The following RASSF5 variants were observed in gnomAD, a reference collection of about 807,000 sequenced individuals.
RASSF5 encodes ras association domain-containing protein 5.
A neutral mutation model predicts 40.5 loss-of-function variants in RASSF5; 25 were observed. That is an observed-to-expected ratio of 0.62 (90% CI 0.45 to 0.86). The LOEUF (loss-of-function observed/expected upper bound fraction) is 0.86. Ranked by LOEUF, RASSF5 falls within the 40% of genes least tolerant of loss-of-function variation. RASSF5 has a pLI of 0.00. For synonymous variants in RASSF5, 246 were observed against 252.4 expected, an observed-to-expected ratio of 0.97 and a Z score of 0.24; for missense variants, 521 against 572.8, an observed-to-expected ratio of 0.91 and a Z score of 0.92.
chr1:206,553,533 CT>C (rs1558510321), intron 2 of RASSF5, among the ~76,000 whole-genome samples: 1 of 152,190 alleles, frequency 6.6e-6, no homozygotes, highest in Non-Finnish European at 1.5e-5. Context: ...CAAACTCAAT[CT>C]TGACCCTGTT....
intron 2 of RASSF5, among the ~76,000 whole-genome samples, chr1:206,546,049 A>G (rs1268312204): frequency 9.1e-6 from 1 of 109,800 alleles, no homozygotes; most frequent in Non-Finnish European, 1.9e-5. Flanking sequence ...TTTTAAGTCT[A>G]TCTTCTTACT....
rs554681736 is a variant in RASSF5 at position 206,513,983 on chromosome 1, C to T, written c.457+5924C>T. On this transcript the variant is annotated intron_variant, in intron 1 of 5. Coordinates refer to ENST00000579436, the MANE Select transcript of RASSF5 (RefSeq NM_182663.4). The surrounding 1 kb of genome is among the most constrained non-coding windows in gnomAD (Gnocchi z 5.0). ...TTTTTCTGAAGCACTCATAACTATG[C>T]TGAGGAGACTTGGGCAGAGCCTGGT... Among the ~76,000 whole-genome samples, 3 of 152,332 alleles carry T rather than the reference C, an allele frequency of 2.0e-5. No individual in the cohort carries two copies. The highest frequency in any genetic ancestry group is 1.9e-4 in the East Asian group (1 of 5,188).
chr1:206,523,935 A>T (rs1667010875), intron 1 of RASSF5, among the ~76,000 whole-genome samples: 2 of 115,154 alleles, frequency 1.7e-5, no homozygotes, highest in Non-Finnish European at 3.2e-5. Flanking sequence ...ACCATATATA[A>T]TATATTTTAT....
chr1:206,516,757 G>A (rs1055433952), intron 1 of RASSF5, among the ~76,000 whole-genome samples: 4 of 152,158 alleles, frequency 2.6e-5, no homozygotes, highest in South Asian at 2.1e-4. Flanking sequence ...ACGCCTGGCC[G>A]TGACTCATAT....
intron 5 of RASSF5, 66 bp downstream of exon 5, chr1:206,585,361 G>T (rs552187846): frequency 1.7e-6 from 2 of 1,158,204 alleles, no homozygotes; most frequent in East Asian, 4.7e-5. Context: ...GGTGGGTGTT[G>T]TCCTAACTAC....
intron 1 of RASSF5, among the ~76,000 whole-genome samples, chr1:206,520,478 G>A (rs1278979074): frequency 6.6e-6 from 1 of 152,128 alleles, no homozygotes; most frequent in East Asian, 1.9e-4. Flanking sequence ...AAGGAGATGG[G>A]CACCTGTAAT....
At chr1:206,534,943 G>C (rs1413682927) in intron 1 of RASSF5, among the ~76,000 whole-genome samples, 2 of 152,136 alleles carry the variant, frequency 1.3e-5, no homozygotes, top group African/African-American at 4.8e-5. Context: ...TCCAAACTGA[G>C]CACCTGGCCG....
At chr1:206,533,337 T>C (rs1667291627) in intron 1 of RASSF5, among the ~76,000 whole-genome samples, 1 of 152,200 alleles carries the variant, frequency 6.6e-6, no homozygotes. Context: ...CTGTGATCTC[T>C]GGAGGAGGTT....
At chr1:206,573,323 T>C (rs1668518078) in intron 2 of RASSF5, among the ~76,000 whole-genome samples, 1 of 152,188 alleles carries the variant, frequency 6.6e-6, no homozygotes, top group African/African-American at 2.4e-5. Context: ...AACTGAGGCA[T>C]ATAGATTTTC....
intron 1 of RASSF5, among the ~76,000 whole-genome samples, 162 bp from the exon 2 acceptor site, chr1:206,538,010 G>A (rs922700132): frequency 5.3e-5 from 8 of 152,198 alleles, no homozygotes; most frequent in Admixed American, 1.3e-4. Context: ...TGGGGGATCC[G>A]AGAGCAGGGT....
chr1:206,543,450 C>G (rs6685780), intron 2 of RASSF5: 90,034 of 151,970 alleles, frequency 0.59, 27,348 homozygotes, highest in East Asian at 0.73. Flanking sequence ...TTCCAAAGGA[C>G]ACTTGGATCT....
At chr1:206,533,713 C>T (rs1282106605) in intron 1 of RASSF5, among the ~76,000 whole-genome samples, 1 of 151,926 alleles carries the variant, frequency 6.6e-6, no homozygotes, top group African/African-American at 2.4e-5. Flanking sequence ...TATGGTCATG[C>T]CACTGTACTC....
chr1:206,567,484 G>A (rs1553403575), intron 2 of RASSF5, among the ~76,000 whole-genome samples: 1 of 152,168 alleles, frequency 6.6e-6, no homozygotes, highest in African/African-American at 2.4e-5. Context: ...GGATGGAGCG[G>A]GGAGGAGCAG....
intron 2 of RASSF5, among the ~76,000 whole-genome samples, chr1:206,539,134 C>T (rs1361277710): frequency 6.6e-6 from 1 of 152,126 alleles, no homozygotes; most frequent in African/African-American, 2.4e-5. Flanking sequence ...TTGAAGGTTG[C>T]GAGTCAGGGA....
chr1:206,583,235 T>G, intron 2 of RASSF5, 34 bp from the exon 3 acceptor site: 1 of 1,408,172 alleles, frequency 7.1e-7, no homozygotes, highest in Non-Finnish European at 1.0e-6. Flanking sequence ...TGAGAACTAC[T>G]ACACATCCAC....
intron 1 of RASSF5, among the ~76,000 whole-genome samples, chr1:206,524,187 A>T (rs1667022762): frequency 7.3e-6 from 1 of 136,500 alleles, no homozygotes; most frequent in African/African-American, 2.7e-5. Context: ...TTTATATATA[A>T]TATAGATACC....
chr1:206,554,008 A>G (rs1667917334), intron 2 of RASSF5, among the ~76,000 whole-genome samples: 1 of 152,242 alleles, frequency 6.6e-6, no homozygotes, highest in African/African-American at 2.4e-5. Flanking sequence ...TAATAACTGT[A>G]GCTTCCTCAT....
Position 206,557,277 on chromosome 1 carries a change from A to G in RASSF5, c.579+18984A>G, listed in dbSNP as rs868957462. 123 of 1,171,766 alleles carry G rather than the reference A, an allele frequency of 1.0e-4. No homozygotes were observed. The African/African-American group carries it at 1.8e-3, about 17-fold the overall frequency. The allele number at this position is 1,171,766 out of a possible 1,614,324, so 72.6% of individuals were successfully genotyped here. Reference sequence around the variant, plus strand: ...TGGCGCCGGGGACACGAAACCGCAGAGCCCGGACGAGTCAGGGAGTGAGGC... The same window carrying G: ...TGGCGCCGGGGACACGAAACCGCAGGGCCCGGACGAGTCAGGGAGTGAGGC... On this transcript the variant is annotated intron_variant, in intron 2 of 5. Coordinates refer to ENST00000579436, the MANE Select transcript of RASSF5 (RefSeq NM_182663.4).
At position 206,584,780 on chromosome 1, in the gene RASSF5, G is replaced by A. The variant is rs1553407250; in HGVS notation, c.988+96G>A. Reference sequence around the variant, plus strand: ...CTGCCGGCCTTGGGTGGGAGCTGTGGGCTTCTCCTGAGCACCAGGGGTCCA... The same window carrying A: ...CTGCCGGCCTTGGGTGGGAGCTGTGAGCTTCTCCTGAGCACCAGGGGTCCA... On this transcript the variant is annotated intron_variant, in intron 4 of 5. Transcript: ENST00000579436. The surrounding 1 kb of genome is among the most constrained non-coding windows in gnomAD (Gnocchi z 4.9). The A allele has an allele frequency of 4.4e-6, 6 of 1,350,836 alleles. No individual in the cohort carries two copies. The highest frequency in any genetic ancestry group is 6.2e-6 in the Non-Finnish European group (6 of 973,378). The allele number at this position is 1,350,836 out of a possible 1,614,324, so 83.7% of individuals were successfully genotyped here.
Sources: gnomAD v4.1 joint callset for allele counts (sites outside exome capture counted in the v4.1 genomes callset) on GRCh38, gnomAD v4.1.1 for gene constraint, Gnocchi (gnomAD v3.1) non-coding constraint, MANE v1.5 for transcripts, NCBI Gene and HGNC (gene_info 2026-07-23, HGNC 2026-07-21) for gene names.